The following KCNQ5 variants were observed in gnomAD, a reference collection of about 807,000 sequenced individuals.
KCNQ5 encodes potassium voltage-gated channel subfamily Q member 5, also known as potassium voltage-gated channel subfamily KQT member 5.
KCNQ5 carries 30 observed loss-of-function variants against 98.2 expected under a neutral mutation model. The ratio of observed to expected loss-of-function variants is 0.31; its 90% CI spans 0.23 to 0.41. The LOEUF (loss-of-function observed/expected upper bound fraction) is 0.41. KCNQ5 is among the 10% of genes least tolerant of loss of function. The probability of loss-of-function intolerance (pLI) is 1.00; values close to 1 mark genes in which losing one functional copy is unlikely to be tolerated. For missense variants in KCNQ5, 835 were observed against 1,182.5 expected (o/e 0.71, Z 4.31); for synonymous variants, 458 against 449.4 (o/e 1.02, Z -0.24).
chr6:73,111,670 G>A (rs906830900), intron 7 of KCNQ5, among the ~76,000 whole-genome samples: 12 of 152,212 alleles, frequency 7.9e-5, no homozygotes, highest in Admixed American at 6.5e-4. Flanking sequence ...GCAAAGGTTA[G>A]CAGTTGTGTG....
chr6:72,717,332 A>G lies in KCNQ5; in HGVS notation c.398+94745A>G, dbSNP rs145099127. On this transcript the variant is annotated intron_variant, in intron 1 of 13. Transcript: ENST00000370398. ...TATGTTCCCACCATAAAGAAATGATAAATTTTAAGGTGATGGATATGCTAA... is the reference window on the plus strand; with the variant it reads ...TATGTTCCCACCATAAAGAAATGATGAATTTTAAGGTGATGGATATGCTAA... 9.4e-3 allele frequency among the ~76,000 whole-genome samples: 1,436 copies of G among 152,346 alleles called. 13 individuals carry two copies. Among genetic ancestry groups the G allele is most frequent in the East Asian group, 0.02 (104 of 5,192 alleles).
chr6:72,831,729 T>G (rs184569093), intron 1 of KCNQ5, among the ~76,000 whole-genome samples: 1 of 127,970 alleles, frequency 7.8e-6, no homozygotes, highest in African/African-American at 2.6e-5. Context: ...AAAGTATAAT[T>G]TAAAAAAAAA....
At chr6:73,124,014 C>T (rs1386494110) in intron 8 of KCNQ5, among the ~76,000 whole-genome samples, 1 of 151,968 alleles carries the variant, frequency 6.6e-6, no homozygotes. Context: ...TTATTTACTC[C>T]AAGGAAATTT....
intron 1 of KCNQ5, chr6:72,986,906 G>A: frequency 1.2e-6 from 1 of 853,046 alleles, no homozygotes; most frequent in Non-Finnish European, 2.0e-6. Context: ...TTGCTCAGTG[G>A]GGAAGAAGGG....
At chr6:72,642,781 T>C (rs1765390641) in intron 1 of KCNQ5, among the ~76,000 whole-genome samples, 1 of 152,138 alleles carries the variant, frequency 6.6e-6, no homozygotes, top group Non-Finnish European at 1.5e-5. Context: ...GGAATATAAA[T>C]GGTTCTGCCA....
rs141117224 is a variant in KCNQ5, at chr6:72,812,196, C to T, written c.398+189609C>T. ...CTTCTTTATTACATCCTGTTTTATC[C>T]GCAGGGTCTTTATGACCTGTATCTT... On this transcript the variant is annotated intron_variant, in intron 1 of 13. Transcript: ENST00000370398. 2.3e-3 allele frequency among the ~76,000 whole-genome samples: 356 copies of T among 152,196 alleles called. 1 individual carries two copies. Among genetic ancestry groups the T allele is most frequent in the Middle Eastern group, 0.017 (5 of 294 alleles).
intron 10 of KCNQ5, among the ~76,000 whole-genome samples, chr6:73,146,295 C>T (rs532727968): frequency 6.6e-6 from 1 of 152,268 alleles, no homozygotes; most frequent in South Asian, 2.1e-4. Flanking sequence ...GAATGTTTCT[C>T]CCTAAGATGA....
rs1182312830 is a variant in KCNQ5 at position 72,800,931 on chromosome 6, T to C, written c.398+178344T>C. Among the ~76,000 whole-genome samples the C allele has an allele frequency of 5.7e-3, 866 of 150,662 alleles. 4 individuals are homozygous for C. The highest frequency in any genetic ancestry group is 7.8e-3 in the Non-Finnish European group (528 of 67,656). ...GTTGTTCAGTTTCCATGTAGTTGAG[T>C]GGTTTTGAGTGAGTTTCTTAATCCT... On this transcript the variant is annotated intron_variant, in intron 1 of 13. Coordinates refer to ENST00000370398, the MANE Select transcript of KCNQ5 (RefSeq NM_019842.4).
At chr6:72,897,086 C>T (rs189723735) in intron 1 of KCNQ5, among the ~76,000 whole-genome samples, 4 of 151,928 alleles carry the variant, frequency 2.6e-5, no homozygotes, top group East Asian at 1.9e-4. Flanking sequence ...GAAAACAGAA[C>T]GTATTTGGGT....
intron 7 of KCNQ5, among the ~76,000 whole-genome samples, chr6:73,117,278 A>T (rs1188516898): frequency 6.6e-6 from 1 of 152,246 alleles, no homozygotes; most frequent in Non-Finnish European, 1.5e-5. Context: ...AGAACAAAAT[A>T]AAGTTATTAG....
Position 72,687,342 on chromosome 6 carries a change from A to T in KCNQ5, c.398+64755A>T, listed in dbSNP as rs538128262. 1.8e-4 allele frequency among the ~76,000 whole-genome samples: 28 copies of T among 152,332 alleles called. 1 individual carries two copies. The South Asian group carries it at 5.6e-3, about 30-fold the overall frequency. ...TCCCCAGAAAAGCTGTGAACTCCTT[A>T]GCAGAGAGATCATGACCTATACTTC... is the stretch of plus-strand genomic sequence containing the variant. On this transcript the variant is annotated intron_variant, in intron 1 of 13. Coordinates refer to ENST00000370398, the MANE Select transcript of KCNQ5 (RefSeq NM_019842.4).
At chr6:73,088,195 A>G (rs939212997) in intron 5 of KCNQ5, among the ~76,000 whole-genome samples, 4 of 151,022 alleles carry the variant, frequency 2.6e-5, no homozygotes, top group Admixed American at 2.0e-4. Flanking sequence ...CTAGTTTTGT[A>G]TTTTTAGTGG....
chr6:72,737,576 C>T lies in KCNQ5; in HGVS notation c.398+114989C>T, dbSNP rs541962506. Among the ~76,000 whole-genome samples, 11 of 151,926 alleles carry T rather than the reference C, an allele frequency of 7.2e-5. 1 individual carries two copies. The highest frequency in any genetic ancestry group is 2.7e-4 in the African/African-American group (11 of 41,460). On this transcript the variant is annotated intron_variant, in intron 1 of 13. Coordinates refer to ENST00000370398, the MANE Select transcript of KCNQ5 (RefSeq NM_019842.4). Reference sequence around the variant, plus strand: ...ACATTGGAGGGTGGTGTTCTACCTGCGAATTTTGGCTCATTAGTAGGGCTT... The same window carrying T: ...ACATTGGAGGGTGGTGTTCTACCTGTGAATTTTGGCTCATTAGTAGGGCTT...
intron 1 of KCNQ5, among the ~76,000 whole-genome samples, chr6:72,840,371 T>C (rs900823373): frequency 3.3e-5 from 5 of 152,224 alleles, no homozygotes; most frequent in Non-Finnish European, 5.9e-5. Flanking sequence ...TGTCCTGTGC[T>C]TGCATACTTA....
intron 11 of KCNQ5, among the ~76,000 whole-genome samples, chr6:73,176,541 T>C (rs1304393440): frequency 6.6e-6 from 1 of 152,164 alleles, no homozygotes; most frequent in Non-Finnish European, 1.5e-5. Context: ...ATTTGAAAAC[T>C]TGGAAAGATG....
At chr6:73,072,986 A>G (rs1773364820) in intron 3 of KCNQ5, among the ~76,000 whole-genome samples, 1 of 152,126 alleles carries the variant, frequency 6.6e-6, no homozygotes, top group Non-Finnish European at 1.5e-5. Context: ...TGAAGCAGCC[A>G]TAAAAGTACC....
intron 3 of KCNQ5, among the ~76,000 whole-genome samples, chr6:73,075,982 T>C (rs1324811345): frequency 6.6e-6 from 1 of 152,156 alleles, no homozygotes; most frequent in Non-Finnish European, 1.5e-5. Context: ...GCAGAGCTCA[T>C]GCCAGTGCAC....
At chr6:72,903,013 T>C (rs1253608170) in intron 1 of KCNQ5, among the ~76,000 whole-genome samples, 1 of 152,178 alleles carries the variant, frequency 6.6e-6, no homozygotes, top group African/African-American at 2.4e-5. Context: ...TATCACTGCT[T>C]GTTATTGGTC....
At chr6:72,659,209 C>T (rs1459549808) in intron 1 of KCNQ5, among the ~76,000 whole-genome samples, 1 of 152,174 alleles carries the variant, frequency 6.6e-6, no homozygotes, top group Non-Finnish European at 1.5e-5. Context: ...GTTTATCCAA[C>T]TGTCTTATTA....
Sources: gnomAD v4.1 joint callset for allele counts (sites outside exome capture counted in the v4.1 genomes callset) on GRCh38, gnomAD v4.1.1 for gene constraint, MANE v1.5 for transcripts, NCBI Gene and HGNC (gene_info 2026-07-23, HGNC 2026-07-21) for gene names.